CSMD3: variants seen among roughly 807,000 people sequenced by gnomAD.
CSMD3 encodes CUB and sushi domain-containing protein 3.
In CSMD3, 177 loss-of-function variants were observed where a neutral mutation model predicts 435.2. The ratio of observed to expected loss-of-function variants is 0.41; its 90% CI spans 0.36 to 0.46. The LOEUF (loss-of-function observed/expected upper bound fraction) is 0.46, where lower values mean the gene tolerates loss of function less well. Among genes scored for constraint, CSMD3 ranks in the 20% least tolerant of loss-of-function variants. The probability of loss-of-function intolerance (pLI) is 0.34; values close to 1 mark genes in which losing one functional copy is unlikely to be tolerated. For missense variants in CSMD3, 4,265 were observed against 4,504.6 expected (o/e 0.95, Z 1.52); for synonymous variants, 1,656 against 1,520.5 (o/e 1.09, Z -2.07).
intron 1 of CSMD3, among the ~76,000 whole-genome samples, chr8:113,411,242 C>T (rs2094558690): frequency 6.6e-6 from 1 of 152,024 alleles, no homozygotes; most frequent in Non-Finnish European, 1.5e-5. Context: ...TGCTTTCTGG[C>T]TGCCTCTCCA....
intron 4 of CSMD3, among the ~76,000 whole-genome samples, chr8:113,133,283 T>A (rs946372574): frequency 1.3e-5 from 2 of 152,160 alleles, no homozygotes; most frequent in African/African-American, 4.8e-5. Context: ...AAAGGTTATA[T>A]ACAAATAGCC....
rs560311619 is a variant in CSMD3 at position 112,323,422 on chromosome 8, G to A, written c.7166-3441C>T. Reference sequence around the variant, plus strand: ...TCACCTAAAATTCATGCCTTTCCTGGAACCTAAAAATGTTATTTGAAATAG... The same window carrying A: ...TCACCTAAAATTCATGCCTTTCCTGAAACCTAAAAATGTTATTTGAAATAG... On this transcript the variant is annotated intron_variant, in intron 45 of 70. Transcript: ENST00000297405. 2.0e-5 allele frequency among the ~76,000 whole-genome samples: 3 copies of A among 151,986 alleles called. No individual in the cohort carries two copies. The South Asian group carries it at 6.2e-4, about 32-fold the overall frequency.
chr8:112,339,072 C>T (rs1362231728), intron 42 of CSMD3, among the ~76,000 whole-genome samples: 1 of 151,958 alleles, frequency 6.6e-6, no homozygotes, highest in African/African-American at 2.4e-5. Flanking sequence ...CCTAACTTTC[C>T]ACAACTTAGT....
chr8:112,286,595 GTTCTA>G (rs1563739082), intron 58 of CSMD3, among the ~76,000 whole-genome samples: 1 of 151,988 alleles, frequency 6.6e-6, no homozygotes, highest in Non-Finnish European at 1.5e-5. Flanking sequence ...TGCTATAATT[GTTCTA>G]TTTTACTATT....
intron 9 of CSMD3, among the ~76,000 whole-genome samples, chr8:112,922,792 C>T (rs1455145299): frequency 6.6e-6 from 1 of 152,060 alleles, no homozygotes; most frequent in Non-Finnish European, 1.5e-5. Flanking sequence ...TGATCAACAT[C>T]TCTAGAAGTT....
chr8:112,263,239 A>T (rs1816608716), intron 61 of CSMD3, among the ~76,000 whole-genome samples: 1 of 152,052 alleles, frequency 6.6e-6, no homozygotes, highest in Admixed American at 6.6e-5. Flanking sequence ...TTATCATGAC[A>T]AATGCCATCA....
chr8:113,386,770 C>A lies in CSMD3; in HGVS notation c.178+49907G>T, dbSNP rs532033417. ...GTGGTTATTAAATAAGATTACTGAG[C>A]CTCACTTAGTTTTACCGAAAACAAT... On this transcript the variant is annotated intron_variant, in intron 1 of 70. Coordinates refer to ENST00000297405, the MANE Select transcript of CSMD3 (RefSeq NM_198123.2). 5.3e-5 allele frequency among the ~76,000 whole-genome samples: 8 copies of A among 151,864 alleles called. No individual in the cohort carries two copies. In the South Asian group the frequency reaches 1.7e-3, roughly 32 times the overall value.
chr8:112,952,756 A>G (rs961211267), intron 8 of CSMD3, among the ~76,000 whole-genome samples: 20 of 151,760 alleles, frequency 1.3e-4, no homozygotes, highest in South Asian at 6.2e-4. Flanking sequence ...AGAAAATACA[A>G]TGAATAAATG....
At chr8:112,399,789 A>T (rs1158644484) in intron 35 of CSMD3, among the ~76,000 whole-genome samples, 2 of 152,144 alleles carry the variant, frequency 1.3e-5, no homozygotes, top group African/African-American at 4.8e-5. Flanking sequence ...ATTGTTCAAC[A>T]ACTTGTTCCT....
intron 12 of CSMD3, among the ~76,000 whole-genome samples, chr8:112,823,334 G>T (rs1397294644): frequency 6.6e-6 from 1 of 152,088 alleles, no homozygotes; most frequent in Non-Finnish European, 1.5e-5. Flanking sequence ...TCTATTCAGG[G>T]ATTTGATTTC....
In CSMD3 at chr8:112,825,356, C is replaced by T. The variant is rs117866239; in HGVS notation, c.1859+4330G>A. On this transcript the variant is annotated intron_variant, in intron 12 of 70. Transcript: ENST00000297405. The stretch of plus-strand genomic sequence containing the variant: ...CAGTTCTGTGCCCTTGCTGGAGACG[C>T]ACTGCAATCATTTGGAAGACCAGGG... Among the ~76,000 whole-genome samples the T allele has an allele frequency of 8.0e-3, 1,214 of 152,242 alleles. 6 individuals carry two copies. The highest frequency in any genetic ancestry group is 0.014 in the Middle Eastern group (4 of 292).
At chr8:112,487,997 A>G (rs1281815793) in intron 31 of CSMD3, among the ~76,000 whole-genome samples, 1 of 152,162 alleles carries the variant, frequency 6.6e-6, no homozygotes, top group Non-Finnish European at 1.5e-5. Context: ...TTTAATCACA[A>G]AAGGAATTGT....
At chr8:113,236,184 C>T (rs980125226) in intron 3 of CSMD3, among the ~76,000 whole-genome samples, 7 of 152,038 alleles carry the variant, frequency 4.6e-5, no homozygotes, top group African/African-American at 1.4e-4. Context: ...ATGTAGATGC[C>T]GAGCACATGT....
At chr8:112,287,941 C>T in intron 57 of CSMD3, among the ~76,000 whole-genome samples, 1 of 151,844 alleles carries the variant, frequency 6.6e-6, no homozygotes, top group East Asian at 1.9e-4. Flanking sequence ...TCAGTCTTTA[C>T]CTAGTCGTTT....
chr8:112,763,718 A>G (rs751208332), intron 13 of CSMD3, among the ~76,000 whole-genome samples: 2 of 150,424 alleles, frequency 1.3e-5, no homozygotes, highest in Non-Finnish European at 3.0e-5. Context: ...TTATTTATTG[A>G]GCTTTGCTTC....
chr8:112,575,773 T>C (rs1038393486), intron 23 of CSMD3, among the ~76,000 whole-genome samples: 3 of 152,116 alleles, frequency 2.0e-5, no homozygotes, highest in African/African-American at 7.2e-5. Context: ...TAAGAAAACC[T>C]TGCTTGTGGC....
intron 22 of CSMD3, among the ~76,000 whole-genome samples, chr8:112,602,305 C>T (rs1832423215): frequency 6.6e-6 from 1 of 152,096 alleles, no homozygotes; most frequent in Admixed American, 6.6e-5. Flanking sequence ...AAATTTGTCG[C>T]CTGTAACCCC....
intron 7 of CSMD3, among the ~76,000 whole-genome samples, chr8:112,963,078 A>G (rs2084290849): frequency 6.6e-6 from 1 of 151,944 alleles, no homozygotes; most frequent in Non-Finnish European, 1.5e-5. Context: ...GGATGAAGGG[A>G]GGGAGGAAAG....
intron 62 of CSMD3, 83 bp from the exon 63 acceptor site, chr8:112,254,409 C>G (rs1815592862): frequency 7.4e-6 from 7 of 945,330 alleles, no homozygotes; most frequent in Non-Finnish European, 1.2e-5. Flanking sequence ...TTTAAATAAT[C>G]TGGGGTTTGG....
Sources: gnomAD v4.1 joint callset for allele counts (sites outside exome capture counted in the v4.1 genomes callset) on GRCh38, gnomAD v4.1.1 for gene constraint, MANE v1.5 for transcripts, NCBI Gene and HGNC (gene_info 2026-07-23, HGNC 2026-07-21) for gene names.